The following MYEOV variants were observed in gnomAD, a reference collection of about 807,000 sequenced individuals.
MYEOV encodes myeloma overexpressed.
A neutral mutation model predicts 4.5 loss-of-function variants in MYEOV; 4 were observed. The ratio of observed to expected loss-of-function variants is 0.89; its 90% CI spans 0.44 to 2.03. The LOEUF is 2.03. Among genes scored for constraint, MYEOV ranks in the 30% most tolerant of loss-of-function variants. The probability of loss-of-function intolerance (pLI) is 0.03; values close to 1 mark genes in which losing one functional copy is unlikely to be tolerated. For synonymous variants in MYEOV, 184 were observed against 170.3 expected, an observed-to-expected ratio of 1.08 and a Z score of -0.63; for missense variants, 408 against 412.8, an observed-to-expected ratio of 0.99 and a Z score of 0.10.
rs1010745678 is a variant in MYEOV at position 69,294,595 on chromosome 11, C to T, written c.-123+19C>T. On this transcript the variant is annotated intron_variant, in intron 1 of 2. Transcript: ENST00000441339. ...TGAGCAGGTAAGAAGCAGGGTCTTTCTTATGTTTTAAGGAAAGCCCTGTGG... is the reference window on the plus strand; with the variant it reads ...TGAGCAGGTAAGAAGCAGGGTCTTTTTTATGTTTTAAGGAAAGCCCTGTGG... 6.6e-6 allele frequency: 1 copy of T among 152,418 alleles called. No homozygotes were observed. Among genetic ancestry groups the T allele is most frequent in the Admixed American group, 6.5e-5 (1 of 15,290 alleles). The allele number at this position is 152,418 out of a possible 1,614,324, so 9.4% of individuals were successfully genotyped here. A position where few individuals can be genotyped will look rare whatever the true frequency, so the allele number is the denominator to read the frequency against.
At position 69,295,754 on chromosome 11, in the gene MYEOV, G is replaced by A; in HGVS notation, c.304G>A (p.Gly102Arg). 2 of 1,614,178 alleles carry A rather than the reference G, an allele frequency of 1.2e-6. No homozygotes were observed. The highest frequency in any genetic ancestry group is 2.2e-5 in the East Asian group (1 of 44,872). ...GAFVSLWFAA[G>R]AGDRERNKGD... The stretch of plus-strand genomic sequence containing the variant: ...ATTTGTGTCTCTGTGGTTTGCTGCT[G>A]GAGCTGGTGACCGGGAGAGAAACAA... Residue 102 changes from glycine to arginine, a missense_variant, in exon 3 of 3, where the codon GGA becomes AGA. Transcript: ENST00000441339. This position sits in a 1 kb window ranked among gnomAD's most constrained non-coding sequence, Gnocchi z 4.1.
In MYEOV at chr11:69,296,430, T is replaced by C. The variant is rs1263306138; in HGVS notation, c.*38T>C. On this transcript the variant is annotated 3_prime_UTR_variant, in exon 3 of 3. Transcript: ENST00000441339. ...TGCCAAGTGGTTTATATGCCCAGCC[T>C]CATTTAATCCTCAGAATGACTCCAT... 9 of 1,280,840 alleles carry C rather than the reference T, an allele frequency of 7.0e-6. No individual in the cohort carries two copies. In the South Asian group the frequency reaches 1.4e-4, roughly 20 times the overall value. The allele number at this position is 1,280,840 out of a possible 1,614,324, so 79.3% of individuals were successfully genotyped here.
rs1476611535 is a variant in MYEOV at position 69,295,814 on chromosome 11, A to G, written c.364A>G (p.Ser122Gly). 1 of 1,614,182 alleles carries G rather than the reference A, an allele frequency of 6.2e-7. No homozygotes were observed. Among genetic ancestry groups the G allele is most frequent in the Non-Finnish European group, 8.5e-7 (1 of 1,180,034 alleles). Residue 122 changes from serine to glycine, a missense_variant, in exon 3 of 3, where the codon AGC (serine) becomes GGC (glycine). By Grantham distance (56) the Ser-to-Gly change is moderately conservative (BLOSUM62 0). Transcript: ENST00000441339. The surrounding 1 kb of genome is among the most constrained non-coding windows in gnomAD (Gnocchi z 4.1). ...GGGTGCCCAGACAGGTGCGGGGCTC[A>G]GCCAGGAGGCAGAAGACGTGGACGT... ...DKGAQTGAGL[S>G]QEAEDVDVSR... is the part of the protein sequence containing the mutation.
At position 69,295,042 on chromosome 11, in the gene MYEOV, G is replaced by T. The variant is rs1855140597; in HGVS notation, c.-122-191G>T. ...GCTGCCCACCCCCTGCCCCAGAGAT[G>T]GGGAGGCTGGGGCCACCCGGTGGAT... On this transcript the variant is annotated intron_variant, in intron 1 of 2. Coordinates refer to ENST00000441339, the MANE Select transcript of MYEOV (RefSeq NM_001293291.2). The surrounding 1 kb of genome is among the most constrained non-coding windows in gnomAD (Gnocchi z 4.1). Among the ~76,000 whole-genome samples the T allele has an allele frequency of 6.6e-6, 1 of 151,978 alleles. No homozygotes were observed. The highest frequency in any genetic ancestry group is 1.5e-5 in the Non-Finnish European group (1 of 67,972).
chr11:69,296,586 A>G lies in MYEOV; in HGVS notation c.*194A>G, dbSNP rs994359089. Reference sequence around the variant, plus strand: ...TCTCCTCTTCCTTCTCCTTTCTCCCATTCTTCCCTGCCTCTTCCCTAACTA... The same window carrying G: ...TCTCCTCTTCCTTCTCCTTTCTCCCGTTCTTCCCTGCCTCTTCCCTAACTA... On this transcript the variant is annotated 3_prime_UTR_variant, in exon 3 of 3. Transcript: ENST00000441339. The G allele has an allele frequency of 2.4e-5, 11 of 459,590 alleles. No individual in the cohort carries two copies. The highest frequency in any genetic ancestry group is 2.0e-4 in the African/African-American group (10 of 50,224). The allele number at this position is 459,590 out of a possible 1,614,324, so 28.5% of individuals were successfully genotyped here. A position where few individuals can be genotyped will look rare whatever the true frequency, so the allele number is the denominator to read the frequency against.
Position 69,295,682 on chromosome 11 carries a change from G to C in MYEOV, c.232G>C (p.Gly78Arg), listed in dbSNP as rs1233664534. The C allele has an allele frequency of 1.2e-6, 2 of 1,614,170 alleles. No individual in the cohort carries two copies. The highest frequency in any genetic ancestry group is 1.7e-6 in the Non-Finnish European group (2 of 1,180,036). ...VEGSKAGRSRGRLCLSQALRV... is the reference protein window; with the variant it reads ...VEGSKAGRSRRRLCLSQALRV... ...GGGCTCCAAAGCCGGCAGATCCCGG[G>C]GCCGCCTCTGTCTCTCCCAGGCCCT... The change falls in exon 3 of 3, where the codon GGC (glycine) becomes CGC (arginine). Residue 78 changes from glycine (G) to arginine (R), a missense_variant. Gly to Arg is a moderately radical substitution (Grantham distance 125). Transcript: ENST00000441339. The surrounding 1 kb of genome is among the most constrained non-coding windows in gnomAD (Gnocchi z 4.1).
Position 69,295,640 on chromosome 11 carries a change from G to T in MYEOV, c.190G>T (p.Ala64Ser), listed in dbSNP as rs1855162578. 1.9e-6 allele frequency: 3 copies of T among 1,614,010 alleles called. No homozygotes were observed. The highest frequency in any genetic ancestry group is 2.5e-6 in the Non-Finnish European group (3 of 1,180,030). Residue 64 changes from alanine to serine, a missense_variant, in exon 3 of 3, where the codon GCT becomes TCT. By Grantham distance (99) the Ala-to-Ser change is moderately conservative (BLOSUM62 1). Transcript: ENST00000441339. The surrounding 1 kb of genome is among the most constrained non-coding windows in gnomAD (Gnocchi z 4.1). ...RDSLLMFTRQAGHFVEGSKAG... is the reference protein window; with the variant it reads ...RDSLLMFTRQSGHFVEGSKAG... ...CTCGTTGCTCATGTTCACCCGGCAG[G>T]CTGGACACTTCGTGGAGGGCTCCAA...
Position 69,295,857 on chromosome 11 carries a change from T to A in MYEOV, c.407T>A (p.Val136Asp), listed in dbSNP as rs780143954. ...EDVDVSRARR[V>D]TDAPQGTLCG... ...GTGGACGTGTCCCGGGCCAGGAGGG[T>A]CACAGATGCACCACAAGGCACTCTG... Residue 136 changes from valine to aspartate, a missense_variant, in exon 3 of 3, where the codon GTC becomes GAC. Physicochemically the swap from Val to Asp is radical, Grantham distance 152. Transcript: ENST00000441339. This position sits in a 1 kb window ranked among gnomAD's most constrained non-coding sequence, Gnocchi z 4.1. 13 of 1,613,504 alleles carry A rather than the reference T, an allele frequency of 8.1e-6. No homozygotes were observed. Among genetic ancestry groups the A allele is most frequent in the Middle Eastern group, 1.6e-4 (1 of 6,062 alleles).
In MYEOV at chr11:69,296,183, C is replaced by A; in HGVS notation, c.733C>A (p.Pro245Thr). Residue 245 changes from proline (P) to threonine (T), a missense_variant, in exon 3 of 3, where the codon CCT becomes ACT. Transcript: ENST00000441339. ...CCTGACCCTCCACCGGCACCCCACC[C>A]CTCACTGCTCCACCTGGGGCCTGCC... is the stretch of plus-strand genomic sequence containing the variant. The part of the protein sequence containing the change: ...ACLTLHRHPT[P>T]HCSTWGLPLR... 1 of 1,613,804 alleles carries A rather than the reference C, an allele frequency of 6.2e-7. No homozygotes were observed. The highest frequency in any genetic ancestry group is 8.5e-7 in the Non-Finnish European group (1 of 1,179,810).
rs1321774781 is a variant in MYEOV, at chr11:69,294,411, C to T, written c.-288C>T. On this transcript the variant is annotated 5_prime_UTR_variant, in exon 1 of 3. Transcript: ENST00000441339. ...CCTGCAGGGCCGGGGCGTGCATGGCCTCAGGGATGGCCTGTTCAGCTGCTG... is the reference window on the plus strand; with the variant it reads ...CCTGCAGGGCCGGGGCGTGCATGGCTTCAGGGATGGCCTGTTCAGCTGCTG... 1 of 152,378 alleles carries T rather than the reference C, an allele frequency of 6.6e-6. No individual in the cohort carries two copies. The highest frequency in any genetic ancestry group is 2.1e-4 in the South Asian group (1 of 4,836). The allele number at this position is 152,378 out of a possible 1,614,324, so 9.4% of individuals were successfully genotyped here.
rs1406779321 is a variant in MYEOV at position 69,295,702 on chromosome 11, G to A, written c.252G>A (p.Gln84=). ...CCCGGGGCCGCCTCTGTCTCTCCCA[G>A]GCCCTGCGTGTTGCGGTGAGAGGAG... The part of the protein sequence containing the change: ...GRSRGRLCLS[Q]ALRVAVRGAF... The change falls in exon 3 of 3, where the codon CAG becomes CAA. Residue 84 remains glutamine, a synonymous_variant. Transcript: ENST00000441339. The surrounding 1 kb of genome is among the most constrained non-coding windows in gnomAD (Gnocchi z 4.1). The A allele has an allele frequency of 1.2e-6, 2 of 1,614,202 alleles. No individual in the cohort carries two copies. The highest frequency in any genetic ancestry group is 1.7e-6 in the Non-Finnish European group (2 of 1,180,040).
chr11:69,296,221 T>A lies in MYEOV; in HGVS notation c.771T>A (p.Ala257=). 1 of 1,610,126 alleles carries A rather than the reference T, an allele frequency of 6.2e-7. No individual in the cohort carries two copies. The highest frequency in any genetic ancestry group is 8.5e-7 in the Non-Finnish European group (1 of 1,177,502). Residue 257 remains alanine, a synonymous_variant, in exon 3 of 3, where the codon GCT becomes GCA. Transcript: ENST00000441339. ...CSTWGLPLRV[A]GSWLTVVTVE... is the part of the protein sequence containing the mutation. Reference sequence around the variant, plus strand: ...CCTGGGGCCTGCCTCTGCGGGTGGCTGGGTCCTGGCTGACTGTTGTGACTG... The same window carrying A: ...CCTGGGGCCTGCCTCTGCGGGTGGCAGGGTCCTGGCTGACTGTTGTGACTG...
chr11:69,296,256 TG>T lies in MYEOV; in HGVS notation c.813del (p.Trp272GlyfsTer66), dbSNP rs552116583. ...SWLTVVTVEA[L>X]GGWRMGVRRT... The stretch of plus-strand genomic sequence containing the variant: ...CTGACTGTTGTGACTGTTGAGGCCC[TG>T]GGGGGGTGGCGCATGGGAGTTAGGA... On this transcript the variant is annotated frameshift_variant, in exon 3 of 3. Coordinates refer to ENST00000441339, the MANE Select transcript of MYEOV (RefSeq NM_001293291.2). 8.5e-4 allele frequency: 1,359 copies of T among 1,590,492 alleles called. 20 individuals carry two copies. The East Asian group carries it at 0.029, about 33-fold the overall frequency.
In MYEOV at chr11:69,295,078, C is replaced by A. The variant is rs1855141962; in HGVS notation, c.-122-155C>A. Among the ~76,000 whole-genome samples the A allele has an allele frequency of 6.6e-6, 1 of 152,158 alleles. No individual in the cohort carries two copies. The highest frequency in any genetic ancestry group is 2.4e-5 in the African/African-American group (1 of 41,430). Reference sequence around the variant, plus strand: ...GGCCACCCGGTGGATTTGGGCAGGTCCCAGCTTCCAGGATCATGAGGTGAA... The same window carrying A: ...GGCCACCCGGTGGATTTGGGCAGGTACCAGCTTCCAGGATCATGAGGTGAA... On this transcript the variant is annotated intron_variant, in intron 1 of 2. Coordinates refer to ENST00000441339, the MANE Select transcript of MYEOV (RefSeq NM_001293291.2). This position sits in a 1 kb window ranked among gnomAD's most constrained non-coding sequence, Gnocchi z 4.1.
Position 69,296,268 on chromosome 11 carries a change from G to T in MYEOV, c.818G>T (p.Arg273Leu), listed in dbSNP as rs769099755. The change falls in exon 3 of 3, where the codon CGC becomes CTC. Residue 273 changes from arginine (R) to leucine (L), a missense_variant. Coordinates refer to ENST00000441339, the MANE Select transcript of MYEOV (RefSeq NM_001293291.2). ...ACTGTTGAGGCCCTGGGGGGGTGGC[G>T]CATGGGAGTTAGGAGGACTGGCCAG... The part of the protein sequence containing the change: ...VVTVEALGGW[R>L]MGVRRTGQVG... 6.3e-7 allele frequency: 1 copy of T among 1,579,622 alleles called. No homozygotes were observed. The highest frequency in any genetic ancestry group is 8.6e-7 in the Non-Finnish European group (1 of 1,160,600).
Position 69,296,776 on chromosome 11 carries a change from A to T in MYEOV, c.*384A>T, listed in dbSNP as rs557357715. 5.0e-6 allele frequency: 1 copy of T among 201,198 alleles called. No individual in the cohort carries two copies. Among genetic ancestry groups the T allele is most frequent in the East Asian group, 1.2e-4 (1 of 8,188 alleles). The allele number at this position is 201,198 out of a possible 1,614,324, so 12.5% of individuals were successfully genotyped here. On this transcript the variant is annotated 3_prime_UTR_variant, in exon 3 of 3. Coordinates refer to ENST00000441339, the MANE Select transcript of MYEOV (RefSeq NM_001293291.2). Reference sequence around the variant, plus strand: ...GGCATTGGTGGTAGCCCCTGGAGACATTGTGCAATGGGGCTACGAGGCTGC... The same window carrying T: ...GGCATTGGTGGTAGCCCCTGGAGACTTTGTGCAATGGGGCTACGAGGCTGC...
chr11:69,297,047 G>C lies in MYEOV; in HGVS notation c.*655G>C, dbSNP rs1180807262. The C allele has an allele frequency of 1.3e-5, 2 of 152,190 alleles. No individual in the cohort carries two copies. The highest frequency in any genetic ancestry group is 2.9e-5 in the Non-Finnish European group (2 of 68,032). 9.4% of individuals were successfully genotyped at this position (152,190 alleles called of 1,614,324 possible). A position where few individuals can be genotyped will look rare whatever the true frequency, so the allele number is the denominator to read the frequency against. Reference sequence around the variant, plus strand: ...GGTTCTTATTGGAACCCAGGCTCCAGGGTCCCTGGTTTTCTGTGACATCAT... The same window carrying C: ...GGTTCTTATTGGAACCCAGGCTCCACGGTCCCTGGTTTTCTGTGACATCAT... On this transcript the variant is annotated 3_prime_UTR_variant, in exon 3 of 3. Transcript: ENST00000441339.
Position 69,296,535 on chromosome 11 carries a change from A to G in MYEOV, c.*143A>G, listed in dbSNP as rs551405039. 2.1e-5 allele frequency: 12 copies of G among 562,998 alleles called. No individual in the cohort carries two copies. Among genetic ancestry groups the G allele is most frequent in the African/African-American group, 1.9e-4 (10 of 53,284 alleles). The allele number at this position is 562,998 out of a possible 1,614,324, so 34.9% of individuals were successfully genotyped here. On this transcript the variant is annotated 3_prime_UTR_variant, in exon 3 of 3. Coordinates refer to ENST00000441339, the MANE Select transcript of MYEOV (RefSeq NM_001293291.2). ...AGCTCAACAAGTTGCCTAAGTTCCA[A>G]GTTTCCTCTCCCAACTCTCCTACCC... is the stretch of plus-strand genomic sequence containing the variant.
rs1294473685 is a variant in MYEOV, at chr11:69,296,158, C to A, written c.708C>A (p.Cys236Ter). 3.7e-6 allele frequency: 6 copies of A among 1,613,958 alleles called. No homozygotes were observed. Among genetic ancestry groups the A allele is most frequent in the Non-Finnish European group, 5.1e-6 (6 of 1,180,008 alleles). ...CPDYERGRRA[C>*]LTLHRHPTPH... ...ACTATGAAAGGGGAAGAAGAGCATG[C>A]CTGACCCTCCACCGGCACCCCACCC... The change falls in exon 3 of 3, where the codon TGC (cysteine) becomes TGA (stop). Residue 236 changes from cysteine to a stop codon, truncating the protein, a stop_gained. Transcript: ENST00000441339. LOFTEE classifies it low-confidence loss of function (END_TRUNC).
Sources: gnomAD v4.1 joint callset for allele counts (sites outside exome capture counted in the v4.1 genomes callset) on GRCh38, gnomAD v4.1.1 for gene constraint, Gnocchi (gnomAD v3.1) non-coding constraint, MANE v1.5 for transcripts, NCBI Gene and HGNC (gene_info 2026-07-23, HGNC 2026-07-21) for gene names.